Variants in ZZEF1 observed in about 807,000 individuals in gnomAD.
ZZEF1 encodes the protein zinc finger ZZ-type and EF-hand domain containing 1.
In ZZEF1, 157 loss-of-function variants were observed where a neutral mutation model predicts 342.8. The ratio of observed to expected loss-of-function variants is 0.46; its 90% confidence interval spans 0.40 to 0.52. The LOEUF (loss-of-function observed/expected upper bound fraction) is 0.52. Ranked by LOEUF, ZZEF1 falls within the 20% of genes least tolerant of loss-of-function variation. ZZEF1 has a pLI of 0.00. For synonymous variants in ZZEF1, 1,505 were observed against 1,429.1 expected (o/e 1.05, Z -1.20); for missense variants, 3,480 against 3,725.6 (o/e 0.93, Z 1.72).
chr17:4,133,438 C>T (rs901394084), intron 1 of ZZEF1, among the ~76,000 whole-genome samples: 6 of 152,150 alleles, frequency 3.9e-5, no homozygotes, highest in South Asian at 2.1e-4. Context: ...CCTCGGGTTC[C>T]TTACCATCTG....
intron 40 of ZZEF1, chr17:4,033,519 C>T (rs1229471062): frequency 3.0e-5 from 5 of 165,478 alleles, no homozygotes; most frequent in Middle Eastern, 3.2e-3. Flanking sequence ...GGCTAATTTT[C>T]TTTGTATTTT....
intron 26 of ZZEF1, among the ~76,000 whole-genome samples, chr17:4,068,658 A>G (rs2057450104): frequency 6.6e-6 from 1 of 152,206 alleles, no homozygotes; most frequent in Non-Finnish European, 1.5e-5. Context: ...CCAAAGGATA[A>G]TATACTAGAA....
intron 21 of ZZEF1, chr17:4,076,189 T>C (rs1597855155): frequency 7.2e-6 from 1 of 139,412 alleles, no homozygotes; most frequent in South Asian, 2.3e-4. Context: ...GGGAGTGCAG[T>C]GGCGCAATCT....
chr17:4,051,356 A>G (rs1379503661), intron 35 of ZZEF1, among the ~76,000 whole-genome samples: 1 of 152,116 alleles, frequency 6.6e-6, no homozygotes, highest in Non-Finnish European at 1.5e-5. Flanking sequence ...TAAAACCCAT[A>G]ATTTTTAAAG....
At position 4,008,835 on chromosome 17, in the gene ZZEF1, G is replaced by A. The variant is rs377343827; in HGVS notation, c.8805+48C>T. 2.3e-5 allele frequency: 35 copies of A among 1,539,948 alleles called. No homozygotes were observed. In the African/African-American group the frequency reaches 4.8e-4, roughly 21 times the overall value. ...TTCTCTGCCCTGGCAATGGTGAGAT[G>A]GTGGCGCCCCAGCCTGGGGGCCAGC... On this transcript the variant is annotated intron_variant, in intron 54 of 54. Coordinates refer to ENST00000381638, the MANE Select transcript of ZZEF1 (RefSeq NM_015113.4). This position sits in a 1 kb window ranked among gnomAD's most constrained non-coding sequence, Gnocchi z 4.2.
chr17:4,137,313 A>C (rs1352426907), intron 1 of ZZEF1, among the ~76,000 whole-genome samples: 1 of 152,224 alleles, frequency 6.6e-6, no homozygotes, highest in Non-Finnish European at 1.5e-5. Flanking sequence ...AAAGTAAGCA[A>C]AAATAATCTC....
chr17:4,066,430 G>T lies in ZZEF1; in HGVS notation c.4249+17C>A. 6.2e-7 allele frequency: 1 copy of T among 1,612,382 alleles called. No homozygotes were observed. On this transcript the variant is annotated intron_variant, in intron 28 of 54. Transcript: ENST00000381638. ...AACAGAAGGCTCAGGGACAACAGCTGGTGTTAGCACACTCACCCAGGCTCT... is the reference window on the plus strand; with the variant it reads ...AACAGAAGGCTCAGGGACAACAGCTTGTGTTAGCACACTCACCCAGGCTCT...
chr17:4,113,722 C>T (rs1276035526), intron 4 of ZZEF1, among the ~76,000 whole-genome samples: 2 of 151,370 alleles, frequency 1.3e-5, no homozygotes, highest in Non-Finnish European at 2.9e-5. Flanking sequence ...ACCTATAAAC[C>T]CAACACTTTG....
At chr17:4,048,249 G>A (rs1469875110) in intron 37 of ZZEF1, among the ~76,000 whole-genome samples, 2 of 152,224 alleles carry the variant, frequency 1.3e-5, no homozygotes, top group African/African-American at 4.8e-5. Context: ...ACGGTTGAGA[G>A]ACAGGCTTGA....
chr17:4,073,886 T>C (rs952072287), intron 24 of ZZEF1, among the ~76,000 whole-genome samples: 27 of 151,892 alleles, frequency 1.8e-4, no homozygotes, highest in South Asian at 4.2e-4. Context: ...TGCAAAAAAA[T>C]GACAATGTTG....
Position 4,140,222 on chromosome 17 carries a change from A to G in ZZEF1, c.354+2320T>C, listed in dbSNP as rs1489667979. Among the ~76,000 whole-genome samples, 3 of 152,284 alleles carry G rather than the reference A, an allele frequency of 2.0e-5. No homozygotes were observed. In the East Asian group the frequency reaches 5.8e-4, roughly 29 times the overall value. On this transcript the variant is annotated intron_variant, in intron 1 of 54. Transcript: ENST00000381638. Reference sequence around the variant, plus strand: ...GATGCATTAGGTTTTCTGTCCCTTGAAAAAGTTTTGTGTATCCCTAATACA... The same window carrying G: ...GATGCATTAGGTTTTCTGTCCCTTGGAAAAGTTTTGTGTATCCCTAATACA...
chr17:4,007,022 A>C, intron 54 of ZZEF1, 52 bp from the exon 55 acceptor site: 1 of 1,496,944 alleles, frequency 6.7e-7, no homozygotes, highest in South Asian at 1.3e-5. Context: ...TCCCTCATTC[A>C]GTGAGTGCTG....
chr17:4,076,867 C>T lies in ZZEF1; in HGVS notation c.3111+1G>A. ...TACAAATAGCTGCTAGTTTTTCTTA[C>T]CAGTTGACGAGCTGCCATTGAAAAC... is the stretch of plus-strand genomic sequence containing the variant. On this transcript the variant is annotated splice_donor_variant, in intron 20 of 54. Transcript: ENST00000381638. LOFTEE classifies it high-confidence loss of function. 1 of 1,613,998 alleles carries T rather than the reference C, an allele frequency of 6.2e-7. No individual in the cohort carries two copies. The highest frequency in any genetic ancestry group is 8.5e-7 in the Non-Finnish European group (1 of 1,179,918).
At position 4,078,353 on chromosome 17, in the gene ZZEF1, T is replaced by A. The variant is rs2057662503; in HGVS notation, c.2830-311A>T. Among the ~76,000 whole-genome samples the A allele has an allele frequency of 2.0e-5, 3 of 152,194 alleles. No homozygotes were observed. In the South Asian group the frequency reaches 6.2e-4, roughly 32 times the overall value. On this transcript the variant is annotated intron_variant, in intron 18 of 54. Coordinates refer to ENST00000381638, the MANE Select transcript of ZZEF1 (RefSeq NM_015113.4). ...CATCTTAAAATGTCCTTTCTCTGGC[T>A]CCTTCCCTCAAGCCTTTAATCAAAC...
At chr17:4,078,774 C>A (rs2057670037) in intron 18 of ZZEF1, among the ~76,000 whole-genome samples, 1 of 152,180 alleles carries the variant, frequency 6.6e-6, no homozygotes, top group African/African-American at 2.4e-5. Flanking sequence ...ATCACTGTAT[C>A]CCCTGTTCCT....
At chr17:4,066,620 A>T in intron 27 of ZZEF1, 80 bp from the exon 28 acceptor site, 2 of 1,179,490 alleles carry the variant, frequency 1.7e-6, no homozygotes, top group Non-Finnish European at 2.5e-6. Flanking sequence ...CTTCAAAAGC[A>T]CACAGCACTG....
chr17:4,059,573 A>G (rs1471203179), intron 30 of ZZEF1, among the ~76,000 whole-genome samples: 1 of 152,132 alleles, frequency 6.6e-6, no homozygotes, highest in African/African-American at 2.4e-5. Flanking sequence ...TGGGTGCCAG[A>G]TACTGTGTTA....
At chr17:4,105,553 G>A (rs2058197101) in intron 7 of ZZEF1, 140 bp downstream of exon 7, 2 of 673,016 alleles carry the variant, frequency 3.0e-6, no homozygotes, top group Non-Finnish European at 5.1e-6. Context: ...GAACTATTAT[G>A]TCACTTTCTC....
At chr17:4,125,927 C>A (rs2058565633) in intron 1 of ZZEF1, among the ~76,000 whole-genome samples, 1 of 151,984 alleles carries the variant, frequency 6.6e-6, no homozygotes, top group Non-Finnish European at 1.5e-5. Flanking sequence ...TTGTCATGGG[C>A]ATAAAGATGG....
Sources: allele counts gnomAD v4.1 joint callset (sites outside exome capture counted in the v4.1 genomes callset), GRCh38; gene constraint gnomAD v4.1.1; non-coding constraint Gnocchi (gnomAD v3.1); transcripts MANE v1.5; gene names NCBI Gene and HGNC (gene_info 2026-07-23, HGNC 2026-07-21).